The following CSMD1 variants were observed in gnomAD, a reference collection of about 807,000 sequenced individuals.
CSMD1 encodes CUB and Sushi multiple domains 1, also known as CUB and sushi domain-containing protein 1.
CSMD1 carries 213 observed loss-of-function variants against 417.5 expected under a neutral mutation model. That is an observed-to-expected ratio of 0.51 (90% CI 0.46 to 0.57). The LOEUF (loss-of-function observed/expected upper bound fraction) is 0.57. Among genes scored for constraint, CSMD1 ranks in the 20% least tolerant of loss-of-function variants. The pLI, the probability that CSMD1 is intolerant of heterozygous loss-of-function variation, is 0.00. For synonymous variants in CSMD1, 2,862 were observed against 1,736.8 expected, an observed-to-expected ratio of 1.65 and a Z score of -16.11; for missense variants, 6,923 against 4,529.7, an observed-to-expected ratio of 1.53 and a Z score of -15.17.
intron 3 of CSMD1, among the ~76,000 whole-genome samples, chr8:4,380,581 T>A (rs1258711284): frequency 6.6e-6 from 1 of 152,168 alleles, no homozygotes; most frequent in Non-Finnish European, 1.5e-5. Flanking sequence ...GTGGATGGAA[T>A]GAGAACATTA....
At chr8:4,415,845 G>C (rs116294592) in intron 3 of CSMD1, among the ~76,000 whole-genome samples, 5 of 152,132 alleles carry the variant, frequency 3.3e-5, no homozygotes, top group Admixed American at 2.6e-4. Context: ...GTGTGTATAC[G>C]TAAATAAACG....
At chr8:3,494,876 G>C (rs541980555) in intron 10 of CSMD1, among the ~76,000 whole-genome samples, 1 of 152,270 alleles carries the variant, frequency 6.6e-6, no homozygotes, top group African/African-American at 2.4e-5. Context: ...TGTTTGTTAA[G>C]CTTGAAAGAA....
chr8:3,393,438 G>A (rs1347016198), intron 17 of CSMD1, among the ~76,000 whole-genome samples: 1 of 152,098 alleles, frequency 6.6e-6, no homozygotes, highest in Non-Finnish European at 1.5e-5. Context: ...GCATCATCTT[G>A]GTGACAGTTT....
intron 5 of CSMD1, among the ~76,000 whole-genome samples, chr8:3,913,193 T>G (rs545519854): frequency 6.6e-6 from 1 of 152,004 alleles, no homozygotes. Flanking sequence ...ACCGAATATA[T>G]TGGTTGGAGG....
At chr8:4,216,048 C>G (rs934965758) in intron 3 of CSMD1, among the ~76,000 whole-genome samples, 2 of 152,204 alleles carry the variant, frequency 1.3e-5, no homozygotes, top group African/African-American at 2.4e-5. Flanking sequence ...TGCACACCCA[C>G]GCCAGCCTAT....
At chr8:3,300,035 C>T (rs1359814316) in intron 25 of CSMD1, among the ~76,000 whole-genome samples, 3 of 152,020 alleles carry the variant, frequency 2.0e-5, no homozygotes, top group Admixed American at 6.5e-5. Context: ...GCATTACTTA[C>T]AACAGTGAAA....
chr8:4,797,022 G>T (rs79378375), intron 1 of CSMD1, among the ~76,000 whole-genome samples: 1 of 152,134 alleles, frequency 6.6e-6, no homozygotes, highest in African/African-American at 2.4e-5. Context: ...CATAAAGAAA[G>T]GGAGACTGTC....
intron 3 of CSMD1, among the ~76,000 whole-genome samples, chr8:4,252,379 G>A (rs918043741): frequency 6.6e-6 from 1 of 152,320 alleles, no homozygotes; most frequent in Middle Eastern, 3.4e-3. Flanking sequence ...CTGAAGTTAT[G>A]TATTGTCTTT....
At chr8:3,954,848 G>A (rs371084569) in intron 5 of CSMD1, among the ~76,000 whole-genome samples, 1 of 152,208 alleles carries the variant, frequency 6.6e-6, no homozygotes, top group Non-Finnish European at 1.5e-5. Context: ...GGAGTTACAT[G>A]CATGTGCATT....
In CSMD1 at chr8:3,542,563, T is replaced by C. The variant is rs538891299; in HGVS notation, c.1344+32382A>G. 3.9e-5 allele frequency among the ~76,000 whole-genome samples: 6 copies of C among 152,302 alleles called. No individual in the cohort carries two copies. The South Asian group carries it at 1.0e-3, about 26-fold the overall frequency. On this transcript the variant is annotated intron_variant, in intron 10 of 69. Coordinates refer to ENST00000635120, the MANE Select transcript of CSMD1 (RefSeq NM_033225.6). ...TGGGAAGGAACACGGAACAGGGTTA[T>C]AGACAGGAAAGAGCGTACGTGCTGT... is the stretch of plus-strand genomic sequence containing the variant.
At chr8:4,389,117 G>A (rs1351111927) in intron 3 of CSMD1, among the ~76,000 whole-genome samples, 3 of 152,160 alleles carry the variant, frequency 2.0e-5, no homozygotes, top group Non-Finnish European at 4.4e-5. Flanking sequence ...TGTACAGAAT[G>A]ATAAATATTA....
chr8:2,986,023 G>C (rs1306914639), intron 54 of CSMD1, among the ~76,000 whole-genome samples: 1 of 140,302 alleles, frequency 7.1e-6, no homozygotes, highest in Non-Finnish European at 1.5e-5. Context: ...GGGAGGGAGG[G>C]AGAAAACCGT....
chr8:4,117,937 G>C lies in CSMD1; in HGVS notation c.416-85838C>G, dbSNP rs545317329. Among the ~76,000 whole-genome samples, 18 of 120,656 alleles carry C rather than the reference G, an allele frequency of 1.5e-4. 1 individual carries two copies. The East Asian group carries it at 3.5e-3, about 24-fold the overall frequency. The allele number at this position is 120,656 out of a possible 152,430, so 79.2% of individuals were successfully genotyped here. A position where few individuals can be genotyped will look rare whatever the true frequency, so the allele number is the denominator to read the frequency against. On this transcript the variant is annotated intron_variant, in intron 3 of 69. Transcript: ENST00000635120. ...GAAAGAAATTTTCCTGGAAAAGTCA[G>C]GGCAAGTCAATAGGAAAAAAAAAAA...
At chr8:4,352,010 A>G (rs1057444047) in intron 3 of CSMD1, among the ~76,000 whole-genome samples, 3 of 150,176 alleles carry the variant, frequency 2.0e-5, no homozygotes, top group African/African-American at 4.9e-5. Flanking sequence ...GGAATTGACT[A>G]ATGCAATGCT....
chr8:4,383,424 G>A (rs1188160955), intron 3 of CSMD1, among the ~76,000 whole-genome samples: 2 of 152,150 alleles, frequency 1.3e-5, no homozygotes, highest in Non-Finnish European at 2.9e-5. Flanking sequence ...TTTCCGTTAA[G>A]TCCAGCCAGA....
chr8:4,220,148 G>C (rs1333435653), intron 3 of CSMD1, among the ~76,000 whole-genome samples: 1 of 151,932 alleles, frequency 6.6e-6, no homozygotes, highest in Non-Finnish European at 1.5e-5. Flanking sequence ...ACAGGGTTTT[G>C]CCATGTCGGC....
At chr8:3,226,442 G>A (rs1338447951) in intron 27 of CSMD1, among the ~76,000 whole-genome samples, 2 of 152,014 alleles carry the variant, frequency 1.3e-5, no homozygotes, top group Non-Finnish European at 2.9e-5. Context: ...AAATAGCCGG[G>A]CGTGGTGGCA....
chr8:3,000,920 T>G (rs673919), intron 52 of CSMD1, among the ~76,000 whole-genome samples: 2,185 of 152,180 alleles, frequency 0.014, 50 homozygotes, highest in African/African-American at 0.051. Flanking sequence ...GAAAGAGCTT[T>G]AGTAACAGAG....
chr8:4,637,734 G>C (rs1053783345), intron 1 of CSMD1, among the ~76,000 whole-genome samples, 176 bp from the exon 2 acceptor site: 2 of 133,738 alleles, frequency 1.5e-5, no homozygotes, highest in African/African-American at 2.8e-5. Context: ...GCAGTGGCGC[G>C]ATCTCAGCTC....
Sources: gnomAD v4.1 joint callset for allele counts (sites outside exome capture counted in the v4.1 genomes callset) on GRCh38, gnomAD v4.1.1 for gene constraint, MANE v1.5 for transcripts, NCBI Gene and HGNC (gene_info 2026-07-23, HGNC 2026-07-21) for gene names.